Variants in CNNM1 observed in about 807,000 individuals in gnomAD.
CNNM1 encodes the protein metal transporter CNNM1.
A neutral mutation model predicts 78.8 loss-of-function variants in CNNM1; 44 were observed. The ratio of observed to expected loss-of-function variants is 0.56; its 90% CI spans 0.44 to 0.72. The LOEUF is 0.72. Ranked by LOEUF, CNNM1 falls within the 30% of genes least tolerant of loss-of-function variation. The pLI is 0.00. For synonymous variants in CNNM1, 584 were observed against 581.5 expected (o/e 1.00, Z -0.06); for missense variants, 1,101 against 1,292.2 (o/e 0.85, Z 2.27).
chr10:99,382,349 A>C (rs928696645), intron 7 of CNNM1, among the ~76,000 whole-genome samples: 1 of 152,236 alleles, frequency 6.6e-6, no homozygotes, highest in Non-Finnish European at 1.5e-5. Flanking sequence ...AGCTAAGACT[A>C]CTTGGCAGAT....
intron 4 of CNNM1, among the ~76,000 whole-genome samples, chr10:99,363,277 T>C (rs948082644): frequency 4.6e-5 from 7 of 152,238 alleles, no homozygotes; most frequent in African/African-American, 1.4e-4. Context: ...TCTTTCCAAA[T>C]GGTCTGAACA....
At chr10:99,351,298 C>T (rs1372361132) in intron 1 of CNNM1, among the ~76,000 whole-genome samples, 1 of 152,204 alleles carries the variant, frequency 6.6e-6, no homozygotes, top group African/African-American at 2.4e-5. Context: ...ACAGAAGCCA[C>T]AAAGAGACCC....
chr10:99,366,780 CA>C (rs918146411), intron 6 of CNNM1, among the ~76,000 whole-genome samples: 73 of 149,580 alleles, frequency 4.9e-4, no homozygotes, highest in African/African-American at 1.4e-3. Flanking sequence ...GATTCCATCT[CA>C]AAAAAAAAAT....
At chr10:99,375,571 T>A (rs931728072) in intron 6 of CNNM1, among the ~76,000 whole-genome samples, 3 of 152,124 alleles carry the variant, frequency 2.0e-5, no homozygotes, top group Non-Finnish European at 4.4e-5. Context: ...AATGAGAAAA[T>A]GATTCAACCT....
chr10:99,389,693 GA>G (rs1347710902), intron 9 of CNNM1, among the ~76,000 whole-genome samples: 2 of 152,194 alleles, frequency 1.3e-5, no homozygotes, highest in Non-Finnish European at 2.9e-5. Context: ...CTAGAGAAGG[GA>G]AATAACTTGC....
intron 8 of CNNM1, 46 bp from the exon 9 acceptor site, chr10:99,388,106 G>A (rs752415460): frequency 6.2e-7 from 1 of 1,609,648 alleles, no homozygotes; most frequent in South Asian, 1.1e-5. Flanking sequence ...CTGAGCCCTG[G>A]GTCTTCTCCA....
Position 99,349,187 on chromosome 10 carries a change from G to A in CNNM1, c.1574-8325G>A, listed in dbSNP as rs912333155. 2.0e-5 allele frequency among the ~76,000 whole-genome samples: 3 copies of A among 152,130 alleles called. No individual in the cohort carries two copies. The East Asian group carries it at 5.8e-4, about 29-fold the overall frequency. On this transcript the variant is annotated intron_variant, in intron 1 of 10. Transcript: ENST00000356713. The stretch of plus-strand genomic sequence containing the variant: ...TCTTTAATCAGCAAGAGAGATGAGC[G>A]GAAGATCAAAGACAGGAGCAGAAGT...
At position 99,330,975 on chromosome 10, in the gene CNNM1, A is replaced by G. The variant is rs201172459; in HGVS notation, c.1573+15A>G. The G allele has an allele frequency of 3.4e-3, 5,381 of 1,595,164 alleles. 16 individuals are homozygous for G. The highest frequency in any genetic ancestry group is 4.4e-3 in the Non-Finnish European group (5,112 of 1,171,458). Reference sequence around the variant, plus strand: ...GTTTAAGAAGGGTGAGCAGTAGTCTATCTTCTCCCCCAACTCCTATCCCCT... The same window carrying G: ...GTTTAAGAAGGGTGAGCAGTAGTCTGTCTTCTCCCCCAACTCCTATCCCCT... On this transcript the variant is annotated intron_variant, in intron 1 of 10. Coordinates refer to ENST00000356713, the MANE Select transcript of CNNM1 (RefSeq NM_020348.3).
intron 1 of CNNM1, among the ~76,000 whole-genome samples, chr10:99,343,118 A>C (rs147691808): frequency 6.6e-6 from 1 of 151,608 alleles, no homozygotes; most frequent in African/African-American, 2.4e-5. Flanking sequence ...GCCTGCCACC[A>C]CTCCCAGCTG....
At chr10:99,373,004 T>C (rs1469868135) in intron 6 of CNNM1, among the ~76,000 whole-genome samples, 1 of 152,204 alleles carries the variant, frequency 6.6e-6, no homozygotes, top group Non-Finnish European at 1.5e-5. Flanking sequence ...ACAATAGTGA[T>C]GTAGCTTGTG....
Position 99,389,469 on chromosome 10 carries a change from C to T in CNNM1, c.2675-837C>T, listed in dbSNP as rs142335190. Among the ~76,000 whole-genome samples the T allele has an allele frequency of 2.8e-3, 426 of 150,004 alleles. 4 individuals carry two copies. Among genetic ancestry groups the T allele is most frequent in the African/African-American group, 9.3e-3 (380 of 40,798 alleles). ...AAGTCAACAAGACAATATGTTTGAA[C>T]TTGTGGCTGACCCAGAAAATCTGGG... On this transcript the variant is annotated intron_variant, in intron 9 of 10. Transcript: ENST00000356713.
chr10:99,392,348 CA>C lies in CNNM1; in HGVS notation c.*835del, dbSNP rs2032496799. The C allele has an allele frequency of 6.6e-6, 1 of 152,498 alleles. No homozygotes were observed. Among genetic ancestry groups the C allele is most frequent in the Non-Finnish European group, 1.5e-5 (1 of 68,016 alleles). 9.4% of individuals were successfully genotyped at this position (152,498 alleles called of 1,614,324 possible). On this transcript the variant is annotated 3_prime_UTR_variant, in exon 11 of 11. Coordinates refer to ENST00000356713, the MANE Select transcript of CNNM1 (RefSeq NM_020348.3). ...GGAACTTCAGGTCTTAAGTGCAAAT[CA>C]AAGCAAAAAACAAACAAAACTTACA... is the stretch of plus-strand genomic sequence containing the variant.
chr10:99,389,800 A>G (rs1273884012), intron 9 of CNNM1, among the ~76,000 whole-genome samples: 1 of 152,092 alleles, frequency 6.6e-6, no homozygotes, highest in Non-Finnish European at 1.5e-5. Context: ...TTTTATTTGC[A>G]TTGGTGGTAA....
At position 99,392,293 on chromosome 10, in the gene CNNM1, A is replaced by C. The variant is rs2032495912; in HGVS notation, c.*777A>C. ...CTGCTCTGGAAGAGAAGGAACAGGG[A>C]GCAGAGAGACCCAACTGGGAGCCAG... On this transcript the variant is annotated 3_prime_UTR_variant, in exon 11 of 11. Transcript: ENST00000356713. 1 of 152,520 alleles carries C rather than the reference A, an allele frequency of 6.6e-6. No individual in the cohort carries two copies. The highest frequency in any genetic ancestry group is 1.5e-5 in the Non-Finnish European group (1 of 68,054). 9.4% of individuals were successfully genotyped at this position (152,520 alleles called of 1,614,324 possible).
intron 1 of CNNM1, among the ~76,000 whole-genome samples, chr10:99,337,130 A>G (rs1480772636): frequency 6.6e-6 from 1 of 152,212 alleles, no homozygotes; most frequent in Non-Finnish European, 1.5e-5. Context: ...TACTAAGTAG[A>G]TGTTAGCTAT....
chr10:99,362,170 G>A (rs991474037), intron 3 of CNNM1, 57 bp from the exon 4 acceptor site: 13 of 1,493,538 alleles, frequency 8.7e-6, no homozygotes, highest in Admixed American at 6.4e-5. Flanking sequence ...TGCCACTGCT[G>A]GAATGGGTGG....
intron 6 of CNNM1, among the ~76,000 whole-genome samples, chr10:99,375,186 C>T (rs778493341): frequency 1.8e-4 from 27 of 152,170 alleles, no homozygotes; most frequent in Non-Finnish European, 1.5e-5. Context: ...GATAGGAAAG[C>T]AGGGGCCAGG....
At chr10:99,381,822 GCT>G (rs893895690) in intron 7 of CNNM1, among the ~76,000 whole-genome samples, 17 of 150,804 alleles carry the variant, frequency 1.1e-4, no homozygotes, top group African/African-American at 4.1e-4. Flanking sequence ...GTGAGTTCAA[GCT>G]CTTTTTTTTA....
At position 99,331,097 on chromosome 10, in the gene CNNM1, T is replaced by C. The variant is rs572908895; in HGVS notation, c.1573+137T>C. Reference sequence around the variant, plus strand: ...AAAACCCAAGGAAGACTCTACCTCTTGGCTCCCTGGCTATTTTCATCTCAC... The same window carrying C: ...AAAACCCAAGGAAGACTCTACCTCTCGGCTCCCTGGCTATTTTCATCTCAC... On this transcript the variant is annotated intron_variant, in intron 1 of 10. Coordinates refer to ENST00000356713, the MANE Select transcript of CNNM1 (RefSeq NM_020348.3). 7.3e-5 allele frequency: 58 copies of C among 799,834 alleles called. No individual in the cohort carries two copies. In the East Asian group the frequency reaches 1.5e-3, roughly 21 times the overall value. 49.5% of individuals were successfully genotyped at this position (799,834 alleles called of 1,614,324 possible). A position where few individuals can be genotyped will look rare whatever the true frequency, so the allele number is the denominator to read the frequency against.
Sources: gnomAD v4.1 joint callset for allele counts (sites outside exome capture counted in the v4.1 genomes callset) on GRCh38, gnomAD v4.1.1 for gene constraint, MANE v1.5 for transcripts, NCBI Gene and HGNC (gene_info 2026-07-23, HGNC 2026-07-21) for gene names.